The following ATP2B1 variants were observed in gnomAD, a reference collection of about 807,000 sequenced individuals.
The protein encoded by ATP2B1 is plasma membrane calcium-transporting ATPase 1.
Under a neutral mutation model 124.2 loss-of-function variants are expected in ATP2B1, and 14 were observed. The observed-to-expected ratio is 0.11, with a 90% CI of 0.07 to 0.18. The LOEUF (loss-of-function observed/expected upper bound fraction) is 0.18. Ranked by LOEUF, ATP2B1 falls within the 10% of genes least tolerant of loss-of-function variation. ATP2B1 has a pLI of 1.00. For missense variants in ATP2B1, 763 were observed against 1,466.1 expected, an observed-to-expected ratio of 0.52 and a Z score of 7.83; for synonymous variants, 449 against 492.4, an observed-to-expected ratio of 0.91 and a Z score of 1.17.
chr12:89,664,657 C>A (rs1011902130), intron 1 of ATP2B1, among the ~76,000 whole-genome samples: 6 of 152,242 alleles, frequency 3.9e-5, no homozygotes, highest in African/African-American at 7.2e-5. Flanking sequence ...CTCAGTTGAT[C>A]GAACACTTCA....
intron 12 of ATP2B1, among the ~76,000 whole-genome samples, chr12:89,614,684 CTTCAGACTAGCCCACT>C (rs1878648113): frequency 6.6e-6 from 1 of 152,208 alleles, no homozygotes; most frequent in African/African-American, 2.4e-5. Context: ...TCAGTGATTT[CTTCAGACTAGCCCACT>C]TTCAGGCTCT....
intron 2 of ATP2B1, among the ~76,000 whole-genome samples, chr12:89,645,696 C>T (rs1884340859): frequency 6.6e-6 from 1 of 152,146 alleles, no homozygotes; most frequent in Non-Finnish European, 1.5e-5. Flanking sequence ...GAAGCAAAGC[C>T]ACTGTAGTAA....
At chr12:89,654,697 CTT>C (rs1885740531) in intron 2 of ATP2B1, among the ~76,000 whole-genome samples, 1 of 152,118 alleles carries the variant, frequency 6.6e-6, no homozygotes, top group African/African-American at 2.4e-5. Flanking sequence ...TTGGAAAAGA[CTT>C]TTTGCTATTA....
intron 1 of ATP2B1, among the ~76,000 whole-genome samples, chr12:89,685,530 T>C (rs755792202): frequency 1.3e-5 from 2 of 152,078 alleles, no homozygotes; most frequent in Admixed American, 6.6e-5. Context: ...AGCATCACCA[T>C]GGAGCTTGGC....
chr12:89,670,533 G>A (rs749585615), intron 1 of ATP2B1, among the ~76,000 whole-genome samples: 1 of 151,876 alleles, frequency 6.6e-6, no homozygotes, highest in East Asian at 1.9e-4. Flanking sequence ...AGATCCCGTC[G>A]TGCAAGTATT....
At chr12:89,607,564 A>C (rs560122647) in intron 15 of ATP2B1, among the ~76,000 whole-genome samples, 1 of 152,288 alleles carries the variant, frequency 6.6e-6, no homozygotes, top group African/African-American at 2.4e-5. Context: ...TCCAAATAAA[A>C]TTTAAATAAA....
At chr12:89,670,966 A>AAG (rs994200797) in intron 1 of ATP2B1, among the ~76,000 whole-genome samples, 7 of 140,370 alleles carry the variant, frequency 5.0e-5, no homozygotes, top group South Asian at 2.6e-4. Flanking sequence ...AAAAAAAAAA[A>AAG]GGGGTGGGGG....
intron 12 of ATP2B1, 106 bp from the exon 13 acceptor site, chr12:89,611,478 A>G: frequency 1.2e-6 from 1 of 825,204 alleles, no homozygotes; most frequent in Non-Finnish European, 1.8e-6. Flanking sequence ...CCAAATGATG[A>G]CAATGATACA....
In ATP2B1 at chr12:89,610,131, C is replaced by T. The variant is rs1771441326; in HGVS notation, c.2336-88G>A. ...AATATCCTGACGTCGGTTTTATAGA[C>T]TCAAGGTTAAAAATAAATAAACAAA... is the stretch of plus-strand genomic sequence containing the variant. On this transcript the variant is annotated intron_variant, in intron 14 of 20. Coordinates refer to ENST00000428670, the MANE Select transcript of ATP2B1 (RefSeq NM_001366521.1). The T allele has an allele frequency of 1.1e-5, 13 of 1,183,612 alleles. 1 individual carries two copies. In the South Asian group the frequency reaches 1.9e-4, roughly 17 times the overall value. 73.3% of individuals were successfully genotyped at this position (1,183,612 alleles called of 1,614,324 possible). A position where few individuals can be genotyped will look rare whatever the true frequency, so the allele number is the denominator to read the frequency against.
At chr12:89,690,906 A>G (rs1353801666) in intron 1 of ATP2B1, among the ~76,000 whole-genome samples, 3 of 152,318 alleles carry the variant, frequency 2.0e-5, no homozygotes, top group African/African-American at 7.2e-5. Flanking sequence ...TTTAGAATCA[A>G]TAAGAATAAA....
chr12:89,667,792 C>T (rs1396563922), intron 1 of ATP2B1, among the ~76,000 whole-genome samples: 2 of 152,150 alleles, frequency 1.3e-5, no homozygotes, highest in Admixed American at 6.5e-5. Context: ...GAATCAGGAT[C>T]GTTAAAATGG....
chr12:89,638,369 T>C (rs192692714), intron 3 of ATP2B1, among the ~76,000 whole-genome samples: 6 of 152,334 alleles, frequency 3.9e-5, no homozygotes, highest in Admixed American at 3.9e-4. Flanking sequence ...AGTTTGTACA[T>C]TAACAGTACA....
Position 89,604,205 on chromosome 12 carries a change from C to T in ATP2B1, c.2584G>A (p.Val862Ile). The T allele has an allele frequency of 6.2e-7, 1 of 1,614,050 alleles. No homozygotes were observed. The highest frequency in any genetic ancestry group is 8.5e-7 in the Non-Finnish European group (1 of 1,180,004). Residue 862 changes from valine to isoleucine, a missense_variant, in exon 16 of 21, where the codon GTT becomes ATT. Val to Ile is a conservative substitution (Grantham distance 29). Around this residue, in one of 7 missense-constraint regions of ATP2B1, gnomAD observed 51 missense variants for 192.8 expected, o/e 0.26. Coordinates refer to ENST00000428670, the MANE Select transcript of ATP2B1 (RefSeq NM_001366521.1). ...GCAACAATCACTGCTACTACATTAA[C>T]AGTAAGTTGGAACTGAAGGAATTTT... ...ISKFLQFQLT[V>I]NVVAVIVAFT...
intron 15 of ATP2B1, among the ~76,000 whole-genome samples, chr12:89,608,845 T>C (rs917717905): frequency 7.2e-5 from 11 of 152,314 alleles, no homozygotes; most frequent in African/African-American, 2.4e-4. Flanking sequence ...AATTATTCCA[T>C]AGACCTCTTC....
intron 1 of ATP2B1, among the ~76,000 whole-genome samples, chr12:89,676,802 T>C (rs766073163): frequency 2.6e-5 from 4 of 152,160 alleles, no homozygotes; most frequent in Non-Finnish European, 4.4e-5. Context: ...TCCACAGTCT[T>C]ACAAGATACT....
At chr12:89,629,330 C>G (rs750560814) in intron 6 of ATP2B1, among the ~76,000 whole-genome samples, 1 of 152,114 alleles carries the variant, frequency 6.6e-6, no homozygotes, top group Non-Finnish European at 1.5e-5. Flanking sequence ...TAAGTCTTTA[C>G]TTTGTACAGT....
chr12:89,640,809 C>T (rs371031937), intron 3 of ATP2B1, among the ~76,000 whole-genome samples: 2 of 152,156 alleles, frequency 1.3e-5, no homozygotes, highest in East Asian at 3.9e-4. Context: ...CCTCTTGCTC[C>T]CTCTCTCTCC....
chr12:89,611,395 A>AT, intron 12 of ATP2B1, 23 bp from the exon 13 acceptor site: 1 of 1,478,486 alleles, frequency 6.8e-7, no homozygotes, highest in Non-Finnish European at 9.0e-7. Flanking sequence ...AAAAAAAAAA[A>AT]TTACAAAGTT....
chr12:89,652,611 A>C (rs1885402374), intron 2 of ATP2B1, among the ~76,000 whole-genome samples: 1 of 152,204 alleles, frequency 6.6e-6, no homozygotes, highest in Admixed American at 6.5e-5. Flanking sequence ...ACTCCTGGTC[A>C]TGTTTCATTT....
Sources: allele counts gnomAD v4.1 joint callset (sites outside exome capture counted in the v4.1 genomes callset), GRCh38; gene constraint gnomAD v4.1.1; regional missense constraint gnomAD v4.1.1; transcripts MANE v1.5; gene names NCBI Gene and HGNC (gene_info 2026-07-23, HGNC 2026-07-21).